RARB: variants seen among roughly 807,000 people sequenced by gnomAD.
RARB encodes retinoic acid receptor beta.
In RARB, 17 loss-of-function variants were observed where a neutral mutation model predicts 51.9. That is an observed-to-expected ratio of 0.33 (90% CI 0.22 to 0.49). The LOEUF is 0.49. Among genes scored for constraint, RARB ranks in the 20% least tolerant of loss-of-function variants. The pLI is 0.99. For missense variants in RARB, 369 were observed against 550.8 expected, an observed-to-expected ratio of 0.67 and a Z score of 3.30; for synonymous variants, 215 against 195.4, an observed-to-expected ratio of 1.10 and a Z score of -0.84.
chr3:25,428,662 C>A lies in RARB; in HGVS notation c.-70C>A. On this transcript the variant is annotated 5_prime_UTR_variant, in exon 1 of 8. Transcript: ENST00000330688. ...GCAGAGTTTGATGGAGTTGGGTGGA[C>A]TTTTCTATGCCATTTGCCTCCACAC... 1 of 1,514,898 alleles carries A rather than the reference C, an allele frequency of 6.6e-7. No homozygotes were observed. 93.8% of individuals were successfully genotyped at this position (1,514,898 alleles called of 1,614,324 possible). A position where few individuals can be genotyped will look rare whatever the true frequency, so the allele number is the denominator to read the frequency against.
chr3:25,079,841 G>A (rs899940458), intron 3 of RARB, among the ~76,000 whole-genome samples: 1 of 152,100 alleles, frequency 6.6e-6, no homozygotes, highest in Non-Finnish European at 1.5e-5. Flanking sequence ...TTTCTTGTAA[G>A]CTTCTTGTTT....
chr3:25,535,615 G>A (rs748096119), intron 3 of RARB, among the ~76,000 whole-genome samples: 10 of 152,018 alleles, frequency 6.6e-5, no homozygotes, highest in Non-Finnish European at 1.0e-4. Context: ...CTGTGTCCAT[G>A]TGTTCTCATT....
chr3:25,061,762 C>A (rs1185332336), intron 3 of RARB, among the ~76,000 whole-genome samples: 1 of 151,608 alleles, frequency 6.6e-6, no homozygotes, highest in Non-Finnish European at 1.5e-5. Flanking sequence ...TTAATAATGA[C>A]TATGGTTTAC....
intron 5 of RARB, among the ~76,000 whole-genome samples, chr3:25,176,467 C>T (rs1197940511): frequency 2.7e-5 from 4 of 150,572 alleles, no homozygotes; most frequent in Non-Finnish European, 1.5e-5. Flanking sequence ...GTGATCTTGA[C>T]TCACTGCAAC....
At chr3:24,932,174 G>A (rs1056863571) in intron 2 of RARB, among the ~76,000 whole-genome samples, 9 of 151,882 alleles carry the variant, frequency 5.9e-5, no homozygotes, top group Non-Finnish European at 8.8e-5. Context: ...AAAGTTCGTC[G>A]GCCCTTTCAC....
chr3:25,388,207 C>G (rs116318807), intron 5 of RARB, among the ~76,000 whole-genome samples: 1 of 152,172 alleles, frequency 6.6e-6, no homozygotes, highest in African/African-American at 2.4e-5. Context: ...TTATTACATA[C>G]AGCATTGCAT....
intron 5 of RARB, among the ~76,000 whole-genome samples, chr3:25,237,217 A>G (rs145041448): frequency 2.0e-5 from 3 of 152,096 alleles, no homozygotes; most frequent in South Asian, 2.1e-4. Context: ...ATCCCTTTGG[A>G]GAACTTGGTT....
intron 5 of RARB, among the ~76,000 whole-genome samples, chr3:25,230,419 G>T (rs1702150137): frequency 6.6e-6 from 1 of 151,908 alleles, no homozygotes; most frequent in Non-Finnish European, 1.5e-5. Flanking sequence ...AAATCTCAGG[G>T]AGCTAGAATG....
intron 5 of RARB, among the ~76,000 whole-genome samples, chr3:25,200,034 A>G (rs1310431532): frequency 4.6e-5 from 7 of 152,164 alleles, no homozygotes; most frequent in African/African-American, 1.7e-4. Context: ...GTCTTCCACA[A>G]TGGTTGAACT....
chr3:24,994,000 C>G (rs565719500), intron 2 of RARB, among the ~76,000 whole-genome samples: 2 of 152,092 alleles, frequency 1.3e-5, no homozygotes, highest in African/African-American at 2.4e-5. Flanking sequence ...CAATGATTTT[C>G]TTTCCTTTGG....
chr3:24,868,530 C>G (rs1172319982), intron 2 of RARB, among the ~76,000 whole-genome samples: 1 of 152,084 alleles, frequency 6.6e-6, no homozygotes, highest in Admixed American at 6.6e-5. Context: ...CTCCTCTTGG[C>G]CAGGGGCATC....
intron 2 of RARB, among the ~76,000 whole-genome samples, chr3:24,922,414 C>A (rs561253233): frequency 6.0e-4 from 91 of 152,206 alleles, no homozygotes; most frequent in Non-Finnish European, 1.0e-3. Context: ...TAGATTTTTC[C>A]AGGAATTGTG....
At chr3:25,301,893 T>C (rs1362130919) in intron 5 of RARB, among the ~76,000 whole-genome samples, 2 of 152,104 alleles carry the variant, frequency 1.3e-5, no homozygotes, top group African/African-American at 4.8e-5. Flanking sequence ...GCCCCACAAA[T>C]AGCAGAGGCC....
chr3:25,260,941 C>G (rs1306324596), intron 5 of RARB, among the ~76,000 whole-genome samples: 1 of 152,124 alleles, frequency 6.6e-6, no homozygotes, highest in South Asian at 2.1e-4. Context: ...AAAATAGCCT[C>G]TGGAGAATGT....
intron 5 of RARB, among the ~76,000 whole-genome samples, chr3:25,238,990 A>G (rs1702368422): frequency 6.6e-6 from 1 of 152,204 alleles, no homozygotes; most frequent in Non-Finnish European, 1.5e-5. Flanking sequence ...AAAAGTAACA[A>G]TAGCCATGAT....
chr3:25,059,493 G>C (rs1334586529), intron 2 of RARB, among the ~76,000 whole-genome samples: 1 of 151,634 alleles, frequency 6.6e-6, no homozygotes, highest in African/African-American at 2.4e-5. Context: ...CATTTTAGTA[G>C]TCATAAAATG....
At chr3:25,436,068 C>A (rs978870616) in intron 1 of RARB, among the ~76,000 whole-genome samples, 1 of 152,142 alleles carries the variant, frequency 6.6e-6, no homozygotes, top group Admixed American at 6.6e-5. Flanking sequence ...TTATCTTTTA[C>A]GCTTCATCTT....
intron 2 of RARB, among the ~76,000 whole-genome samples, chr3:24,886,669 T>C (rs547466663): frequency 3.3e-5 from 5 of 152,174 alleles, no homozygotes; most frequent in Admixed American, 6.5e-5. Flanking sequence ...CTTCAACTCC[T>C]GAGAGTGAGT....
At chr3:25,431,970 T>C (rs537741981) in intron 1 of RARB, among the ~76,000 whole-genome samples, 1 of 152,228 alleles carries the variant, frequency 6.6e-6, no homozygotes, top group South Asian at 2.1e-4. Context: ...AAATAAAGAC[T>C]GACAGCCACC....
Sources: gnomAD v4.1 joint callset for allele counts (sites outside exome capture counted in the v4.1 genomes callset) on GRCh38, gnomAD v4.1.1 for gene constraint, MANE v1.5 for transcripts, NCBI Gene and HGNC (gene_info 2026-07-23, HGNC 2026-07-21) for gene names.